NKPD1: variants seen among roughly 807,000 people sequenced by gnomAD.
NKPD1 encodes NTPase KAP family P-loop domain-containing protein 1.
NKPD1 carries 37 observed loss-of-function variants against 42.2 expected under a neutral mutation model. The observed-to-expected ratio is 0.88, with a 90% CI of 0.67 to 1.15. The LOEUF (loss-of-function observed/expected upper bound fraction) is 1.15. Ranked by LOEUF, NKPD1 falls within the 50% of genes most tolerant of loss-of-function variation. The pLI is 0.00. For missense variants in NKPD1, 1,113 were observed against 1,174.6 expected (o/e 0.95, Z 0.77); for synonymous variants, 552 against 536.5 (o/e 1.03, Z -0.40).
rs1410870652 is a variant in NKPD1 at position 45,152,408 on chromosome 19, G to A, written c.2029C>T (p.Arg677Trp). ...LSWALQCLED[R>W]QQTGGAPEGR... Reference sequence around the variant, plus strand: ...TCGGGCGCGCCCCCGGTCTGCTGCCGGTCCTCCAGGCACTGCAGCGCCCAG... The same window carrying A: ...TCGGGCGCGCCCCCGGTCTGCTGCCAGTCCTCCAGGCACTGCAGCGCCCAG... The change falls in exon 5 of 5, where the codon CGG becomes TGG. Residue 677 changes from arginine to tryptophan, a missense_variant. Transcript: ENST00000686631. 1 of 1,573,706 alleles carries A rather than the reference G, an allele frequency of 6.4e-7. No homozygotes were observed. Among genetic ancestry groups the A allele is most frequent in the East Asian group, 2.4e-5 (1 of 41,970 alleles).
intron 4 of NKPD1, among the ~76,000 whole-genome samples, chr19:45,154,364 T>C (rs1158847285): frequency 6.6e-6 from 1 of 152,200 alleles, no homozygotes; most frequent in African/African-American, 2.4e-5. Context: ...TGCTGGACTG[T>C]GAGCCGGAAG....
At chr19:45,161,157 G>A (rs2122804770), upstream of NKPD1, among the ~76,000 whole-genome samples, 1 of 152,338 alleles carries the variant, frequency 6.6e-6, no homozygotes, top group East Asian at 1.9e-4. Flanking sequence ...GTAAGGAACG[G>A]AGATGCATCC....
In NKPD1 at chr19:45,153,412, A is replaced by G. The variant is rs1382015462; in HGVS notation, c.1025T>C (p.Leu342Pro). 3 of 1,552,212 alleles carry G rather than the reference A, an allele frequency of 1.9e-6. No individual in the cohort carries two copies. Among genetic ancestry groups the G allele is most frequent in the South Asian group, 1.2e-5 (1 of 85,106 alleles). Reference protein sequence around the residue: ...SEWHCRRRVCLGLLALLAALG... With the variant: ...SEWHCRRRVCPGLLALLAALG... ...CGCCGCCAGCAGCGCCAGCAGCCCCAGGCACACGCGGCGCCGACAATGCCA... is the reference window on the plus strand; with the variant it reads ...CGCCGCCAGCAGCGCCAGCAGCCCCGGGCACACGCGGCGCCGACAATGCCA... The change falls in exon 5 of 5, where the codon CTG becomes CCG. Residue 342 changes from leucine (L) to proline (P), a missense_variant. Leu to Pro is a moderately conservative substitution (Grantham distance 98). Around this residue, in one of 3 missense-constraint regions of NKPD1, gnomAD observed 867 missense variants for 870.1 expected, o/e 1.00. Transcript: ENST00000686631.
Position 45,152,733 on chromosome 19 carries a change from GC to G in NKPD1, c.1703del (p.Gly568AlafsTer100). 4 of 1,581,560 alleles carry G rather than the reference GC, an allele frequency of 2.5e-6. No individual in the cohort carries two copies. The highest frequency in any genetic ancestry group is 2.3e-5 in the East Asian group (1 of 42,834). ...GCACCGCCAGCAGCTGCGCGCTCTC[GC>G]CCCCGGCGTCCCCCGGCAGCCACGG... ...RKPWLPGDAG[G>X]ESAQLLAVQA... On this transcript the variant is annotated frameshift_variant, in exon 5 of 5. Coordinates refer to ENST00000686631, the MANE Select transcript of NKPD1 (RefSeq NM_198478.4). LOFTEE classifies it low-confidence loss of function (END_TRUNC).
chr19:45,153,869 G>A (rs1401442749), intron 4 of NKPD1, 94 bp from the exon 5 acceptor site: 4 of 1,262,040 alleles, frequency 3.2e-6, no homozygotes, highest in African/African-American at 1.6e-5. Context: ...CTGGAGAGGC[G>A]AGGGGCGCCC....
Position 45,153,002 on chromosome 19 carries a change from G to A in NKPD1, c.1435C>T (p.Leu479=), listed in dbSNP as rs766716354. The A allele has an allele frequency of 3.2e-6, 5 of 1,586,768 alleles. No individual in the cohort carries two copies. In the Admixed American group the frequency reaches 7.0e-5, roughly 22 times the overall value. ...AAGGGCGCGTGGCTGTCGGACAGCA[G>A]CGTGTTGATGGCGTTGAGCACGCCC... ...VVGVLNAINT[L]LSDSHAPFIF... Residue 479 remains leucine, a synonymous_variant, in exon 5 of 5, where the codon CTG becomes TTG. Transcript: ENST00000686631.
rs758185240 is a variant in NKPD1 at position 45,153,029 on chromosome 19, C to T, written c.1408G>A (p.Val470Met). The stretch of plus-strand genomic sequence containing the variant: ...GTGTTGATGGCGTTGAGCACGCCCA[C>T]CACGCGCTCCGGGTAGCACGTGTCC... ...GLDTCYPERV[V>M]GVLNAINTLL... Residue 470 changes from valine to methionine, a missense_variant, in exon 5 of 5, where the codon GTG (valine) becomes ATG (methionine). Around this residue, in one of 3 missense-constraint regions of NKPD1, gnomAD observed 867 missense variants for 870.1 expected, o/e 1.00. Coordinates refer to ENST00000686631, the MANE Select transcript of NKPD1 (RefSeq NM_198478.4). The T allele has an allele frequency of 2.5e-6, 4 of 1,583,238 alleles. No homozygotes were observed. The highest frequency in any genetic ancestry group is 8.6e-7 in the Non-Finnish European group (1 of 1,163,978).
At position 45,160,124 on chromosome 19, in the gene NKPD1, G is replaced by C. The variant is rs373520782; in HGVS notation, c.27C>G (p.Phe9Leu). Residue 9 changes from phenylalanine (F) to leucine (L), a missense_variant, in exon 2 of 5, where the codon TTC becomes TTG. Around this residue, in one of 3 missense-constraint regions of NKPD1, gnomAD observed 204 missense variants for 227.8 expected, o/e 0.90. Coordinates refer to ENST00000686631, the MANE Select transcript of NKPD1 (RefSeq NM_198478.4). ...CGTTGGGGCTCTGGGCATCCTTGGCGAAGTGGACTTTGTAATGTTTGTGCA... is the reference window on the plus strand; with the variant it reads ...CGTTGGGGCTCTGGGCATCCTTGGCCAAGTGGACTTTGTAATGTTTGTGCA... MHKHYKVH[F>L]AKDAQSPNGH... 5.4e-6 allele frequency: 7 copies of C among 1,304,972 alleles called. No homozygotes were observed. In the African/African-American group the frequency reaches 7.6e-5, roughly 14 times the overall value. 80.8% of individuals were successfully genotyped at this position (1,304,972 alleles called of 1,614,324 possible).
intron 3 of NKPD1, 27 bp from the exon 4 acceptor site, chr19:45,155,943 G>C (rs1391503067): frequency 1.5e-6 from 2 of 1,297,992 alleles, no homozygotes; most frequent in Non-Finnish European, 2.0e-6. Flanking sequence ...GGGACACTGA[G>C]TCAGGACCAC....
Position 45,149,920 on chromosome 19 carries a change from G to A in NKPD1, c.*2018C>T, listed in dbSNP as rs1968750309. On this transcript the variant is annotated 3_prime_UTR_variant, in exon 5 of 5. Transcript: ENST00000686631. ...GCAGATGGGGGAAGGGAGTGGAGAA[G>A]GGAAACCTGCTCCCTGACTCATTGC... 6.6e-6 allele frequency: 1 copy of A among 152,200 alleles called. No individual in the cohort carries two copies. The allele number at this position is 152,200 out of a possible 1,614,324, so 9.4% of individuals were successfully genotyped here.
intron 3 of NKPD1, among the ~76,000 whole-genome samples, chr19:45,156,816 G>C (rs1449339312): frequency 6.6e-6 from 1 of 152,226 alleles, no homozygotes; most frequent in Non-Finnish European, 1.5e-5. Flanking sequence ...CACTTTCAGA[G>C]AGGCCTGGTG....
In NKPD1 at chr19:45,152,561, CGATGCGCCGCATG is replaced by C. The variant is rs1239277577; in HGVS notation, c.1863_1875del (p.Met622SerfsTer42). 6.3e-7 allele frequency: 1 copy of C among 1,586,170 alleles called. No individual in the cohort carries two copies. Among genetic ancestry groups the C allele is most frequent in the African/African-American group, 1.4e-5 (1 of 72,858 alleles). ...CGCACGGTGATGGGCACGGTGTTGA[CGATGCGCCGCATG>C]GACACCACGTTGTCGGGCACGTACT... is the stretch of plus-strand genomic sequence containing the variant. On this transcript the variant is annotated frameshift_variant, in exon 5 of 5. Coordinates refer to ENST00000686631, the MANE Select transcript of NKPD1 (RefSeq NM_198478.4). LOFTEE classifies it low-confidence loss of function (END_TRUNC).
chr19:45,155,043 A>C (rs1599722219), intron 4 of NKPD1, among the ~76,000 whole-genome samples: 1 of 120,870 alleles, frequency 8.3e-6, no homozygotes, highest in Non-Finnish European at 1.7e-5. Context: ...AAAAAAAAAA[A>C]GGCCAGGTGC....
chr19:45,161,487 C>A (rs1398552680), upstream of NKPD1, among the ~76,000 whole-genome samples: 1 of 152,224 alleles, frequency 6.6e-6, no homozygotes, highest in African/African-American at 2.4e-5. Context: ...CACATCAAGG[C>A]TTGCTACACC....
At chr19:45,156,594 G>A (rs976322253) in intron 3 of NKPD1, among the ~76,000 whole-genome samples, 90 of 152,346 alleles carry the variant, frequency 5.9e-4, no homozygotes, top group African/African-American at 1.8e-3. Flanking sequence ...TCTGGCCAGC[G>A]CCGGGCCCTT....
intron 1 of NKPD1, among the ~76,000 whole-genome samples, 145 bp from the exon 2 acceptor site, chr19:45,160,366 G>T (rs1317624080): frequency 6.6e-6 from 1 of 152,198 alleles, no homozygotes; most frequent in African/African-American, 2.4e-5. Context: ...ACAGTGAGGG[G>T]CAGGATAAGG....
chr19:45,156,275 GC>G (rs1897756279), intron 3 of NKPD1, among the ~76,000 whole-genome samples: 2 of 152,182 alleles, frequency 1.3e-5, no homozygotes, highest in Non-Finnish European at 2.9e-5. Flanking sequence ...GGGATACGAG[GC>G]CCTCAGATGC....
upstream of NKPD1, among the ~76,000 whole-genome samples, chr19:45,161,986 A>AC (rs201964645): frequency 1.8e-4 from 1 of 5,406 alleles, no homozygotes; most frequent in Non-Finnish European, 3.7e-4. Flanking sequence ...GCGACCTGGG[A>AC]CCCCGTCTCC....
Position 45,153,117 on chromosome 19 carries a change from G to C in NKPD1, c.1320C>G (p.Phe440Leu), listed in dbSNP as rs1872287209. ...VKKEVELLTD[F>L]LCFLEIYQRR... is the part of the protein sequence containing the mutation. ...GCTGGTAGATCTCCAGGAAGCACAG[G>C]AAGTCGGTGAGCAGCTCCACCTCCT... The change falls in exon 5 of 5, where the codon TTC becomes TTG. Residue 440 changes from phenylalanine (F) to leucine (L), a missense_variant. By Grantham distance (22) the Phe-to-Leu change is conservative. Around this residue, in one of 3 missense-constraint regions of NKPD1, gnomAD observed 867 missense variants for 870.1 expected, o/e 1.00. Transcript: ENST00000686631. 1 of 1,575,662 alleles carries C rather than the reference G, an allele frequency of 6.3e-7. No homozygotes were observed.
Sources: gnomAD v4.1 joint callset for allele counts (sites outside exome capture counted in the v4.1 genomes callset) on GRCh38, gnomAD v4.1.1 for gene constraint, gnomAD v4.1.1 regional missense constraint, MANE v1.5 for transcripts, NCBI Gene and HGNC (gene_info 2026-07-23, HGNC 2026-07-21) for gene names.